Variants in LAMC3 observed in about 807,000 individuals in gnomAD.
LAMC3 encodes laminin subunit gamma-3.
In LAMC3, 128 loss-of-function variants were observed where a neutral mutation model predicts 173.8. That is an observed-to-expected ratio of 0.74 (90% CI 0.64 to 0.85). The LOEUF is 0.85. LAMC3 is among the 40% of genes least tolerant of loss of function. The pLI is 0.00. For synonymous variants in LAMC3, 897 were observed against 909.1 expected (o/e 0.99, Z 0.24); for missense variants, 2,022 against 2,156.0 (o/e 0.94, Z 1.23).
At chr9:131,071,182 G>A (rs78302149) in intron 17 of LAMC3, among the ~76,000 whole-genome samples, 60 of 152,310 alleles carry the variant, frequency 3.9e-4, no homozygotes, top group African/African-American at 1.3e-3. Flanking sequence ...CAGCGAACAG[G>A]ACAGGCAGAA....
rs1461123770 is a variant in LAMC3 at position 131,009,268 on chromosome 9, C to T, written c.54C>T (p.Ala18=). Residue 18 remains alanine, a synonymous_variant, in exon 1 of 28, where the codon GCC becomes GCT. Transcript: ENST00000361069. The surrounding 1 kb of genome is among the most constrained non-coding windows in gnomAD (Gnocchi z 4.3). ...LGLALLAPRA[A]GAGMGACYDG... ...TGGCGCTGCTGGCACCGCGGGCGGC[C>T]GGCGCGGGCATGGGCGCGTGCTATG... 28 of 1,307,864 alleles carry T rather than the reference C, an allele frequency of 2.1e-5. No individual in the cohort carries two copies. Among genetic ancestry groups the T allele is most frequent in the Non-Finnish European group, 2.6e-5 (27 of 1,033,872 alleles). 81.0% of individuals were successfully genotyped at this position (1,307,864 alleles called of 1,614,324 possible). A position where few individuals can be genotyped will look rare whatever the true frequency, so the allele number is the denominator to read the frequency against.
chr9:131,092,016 C>T lies in LAMC3; in HGVS notation c.*229C>T, dbSNP rs1436652393. ...CCTGGACATGAGTGCACACTCTCAC[C>T]CCTGCACATGCATAAACGGGCACAC... On this transcript the variant is annotated 3_prime_UTR_variant, in exon 28 of 28. Coordinates refer to ENST00000361069, the MANE Select transcript of LAMC3 (RefSeq NM_006059.4). 3 of 595,948 alleles carry T rather than the reference C, an allele frequency of 5.0e-6. No individual in the cohort carries two copies. Among genetic ancestry groups the T allele is most frequent in the Admixed American group, 2.9e-5 (1 of 34,292 alleles). 36.9% of individuals were successfully genotyped at this position (595,948 alleles called of 1,614,324 possible).
chr9:131,052,913 C>T lies in LAMC3; in HGVS notation c.1887C>T (p.Leu629=), dbSNP rs751556936. 51 of 1,613,786 alleles carry T rather than the reference C, an allele frequency of 3.2e-5. No individual in the cohort carries two copies. The highest frequency in any genetic ancestry group is 2.0e-4 in the Admixed American group (12 of 60,012). The change falls in exon 11 of 28, where the codon CTC becomes CTT. Residue 629 remains leucine, a synonymous_variant. Transcript: ENST00000361069. The part of the protein sequence containing the change: ...PLPPFHFQRL[L]ANLTSLRLRV... ...CCCCCTTCCACTTCCAGCGGCTCCTCGCCAACCTGACCAGCCTCCGCCTCC... is the reference window on the plus strand; with the variant it reads ...CCCCCTTCCACTTCCAGCGGCTCCTTGCCAACCTGACCAGCCTCCGCCTCC...
chr9:131,062,134 G>A (rs1048772288), intron 13 of LAMC3, among the ~76,000 whole-genome samples: 12 of 152,082 alleles, frequency 7.9e-5, no homozygotes, highest in South Asian at 2.1e-4. Flanking sequence ...AGGCTGAAGC[G>A]GGTGGATCAC....
rs568643150 is a variant in LAMC3, at chr9:131,045,234, A to AAAAC, written c.1383-288_1383-287insACAA. Reference sequence around the variant, plus strand: ...AAGACTCTGTCTCAAAAAAAAAAAAAAACAACAACAACAAAAAAACAAAAC... The same window carrying AAAAC: ...AAGACTCTGTCTCAAAAAAAAAAAAAAAACAACAACAACAACAAAAAAACAAAAC... On this transcript the variant is annotated intron_variant, in intron 7 of 27. Transcript: ENST00000361069. Among the ~76,000 whole-genome samples the AAAAC allele has an allele frequency of 4.0e-4, 36 of 90,436 alleles. 2 individuals are homozygous for AAAAC. In the South Asian group the frequency reaches 0.012, roughly 31 times the overall value. 59.3% of individuals were successfully genotyped at this position (90,436 alleles called of 152,430 possible).
In LAMC3 at chr9:131,026,294, A is replaced by T. The variant is rs1432997412; in HGVS notation, c.383A>T (p.Tyr128Phe). The change falls in exon 2 of 28, where the codon TAT becomes TTT. Residue 128 changes from tyrosine to phenylalanine, a missense_variant. Coordinates refer to ENST00000361069, the MANE Select transcript of LAMC3 (RefSeq NM_006059.4). This position sits in a 1 kb window ranked among gnomAD's most constrained non-coding sequence, Gnocchi z 4.8. ...VNITLRLGKA[Y>F]EITYVRLKFH... is the part of the protein sequence containing the mutation. ...GTTTTCCTGGCTGCAGGGAAGGCTT[A>T]TGAGATCACGTATGTGAGGCTGAAG... 9 of 1,614,038 alleles carry T rather than the reference A, an allele frequency of 5.6e-6. No homozygotes were observed. The East Asian group carries it at 2.0e-4, about 36-fold the overall frequency.
chr9:131,034,395 C>G (rs1200764077), intron 3 of LAMC3, among the ~76,000 whole-genome samples: 3 of 152,356 alleles, frequency 2.0e-5, no homozygotes, highest in Admixed American at 1.3e-4. Context: ...AGCCGTGCTA[C>G]GTGCCCTACC....
At chr9:131,082,248 G>A in intron 24 of LAMC3, 87 bp downstream of exon 24, 1 of 959,358 alleles carries the variant, frequency 1.0e-6, no homozygotes, top group African/African-American at 1.6e-5. Context: ...GGGCAGGCTT[G>A]CAGAGGACAG....
At chr9:131,073,461 C>A in intron 20 of LAMC3, 140 bp downstream of exon 20, 1 of 721,052 alleles carries the variant, frequency 1.4e-6, no homozygotes, top group Non-Finnish European at 2.5e-6. Flanking sequence ...GTGTCACCAG[C>A]ATGGGGAGGG....
chr9:131,082,393 A>G lies in LAMC3; in HGVS notation c.4030+232A>G, dbSNP rs558690662. On this transcript the variant is annotated intron_variant, in intron 24 of 27. Coordinates refer to ENST00000361069, the MANE Select transcript of LAMC3 (RefSeq NM_006059.4). ...CATACACCCCAGGTCATCAGACCAC[A>G]TGCAGAGCCCCTCCAGACCAAGTGA... Among the ~76,000 whole-genome samples the G allele has an allele frequency of 1.1e-4, 17 of 152,288 alleles. No homozygotes were observed. In the South Asian group the frequency reaches 2.9e-3, roughly 26 times the overall value.
At chr9:131,023,364 C>T (rs765514474) in intron 1 of LAMC3, among the ~76,000 whole-genome samples, 2 of 152,170 alleles carry the variant, frequency 1.3e-5, no homozygotes, top group East Asian at 3.9e-4. Context: ...CGCTGTTTTC[C>T]AAAGTGGCCG....
chr9:131,076,685 T>G (rs554512724), intron 21 of LAMC3, among the ~76,000 whole-genome samples: 1 of 152,050 alleles, frequency 6.6e-6, no homozygotes, highest in Non-Finnish European at 1.5e-5. Flanking sequence ...AGAAAACCCA[T>G]CCTAGCTGAT....
intron 19 of LAMC3, 37 bp from the exon 20 acceptor site, chr9:131,073,208 G>A (rs1830066319): frequency 6.6e-7 from 1 of 1,509,260 alleles, no homozygotes; most frequent in Non-Finnish European, 9.2e-7. Context: ...TTTGGCGATG[G>A]GCCATCAGTT....
At chr9:131,038,777 T>C (rs1833988532) in intron 4 of LAMC3, 87 bp from the exon 5 acceptor site, 3 of 1,374,600 alleles carry the variant, frequency 2.2e-6, no homozygotes, top group Non-Finnish European at 3.1e-6. Flanking sequence ...TGCCTGCTCA[T>C]TTAGCACAGG....
chr9:131,070,568 G>A (rs10901343), intron 17 of LAMC3, among the ~76,000 whole-genome samples: 61,994 of 151,906 alleles, frequency 0.41, 12,856 homozygotes, highest in Non-Finnish European at 0.44. Context: ...AAAATTCGCC[G>A]GGTGGGGTGG....
At chr9:131,021,338 C>T (rs1350835371) in intron 1 of LAMC3, 2 of 152,162 alleles carry the variant, frequency 1.3e-5, no homozygotes, top group African/African-American at 4.8e-5. Flanking sequence ...CCACCAGTTT[C>T]CCATAGCGTA....
chr9:131,055,088 A>G (rs1456284006), intron 11 of LAMC3, among the ~76,000 whole-genome samples: 2 of 152,130 alleles, frequency 1.3e-5, no homozygotes, highest in Non-Finnish European at 2.9e-5. Flanking sequence ...CACAGGGAAT[A>G]GGGACCAGCC....
chr9:131,071,225 T>C (rs926324757), intron 17 of LAMC3, among the ~76,000 whole-genome samples: 1 of 151,964 alleles, frequency 6.6e-6, no homozygotes, highest in Admixed American at 6.6e-5. Context: ...CATCCCTTCC[T>C]CCCCACCTTC....
At chr9:131,071,260 G>C (rs1202670032) in intron 17 of LAMC3, among the ~76,000 whole-genome samples, 2 of 152,172 alleles carry the variant, frequency 1.3e-5, no homozygotes, top group Non-Finnish European at 2.9e-5. Flanking sequence ...AGTGTGGTCA[G>C]CGGTGTCGGC....
Sources: gnomAD v4.1 joint callset for allele counts (sites outside exome capture counted in the v4.1 genomes callset) on GRCh38, gnomAD v4.1.1 for gene constraint, Gnocchi (gnomAD v3.1) non-coding constraint, MANE v1.5 for transcripts, NCBI Gene and HGNC (gene_info 2026-07-23, HGNC 2026-07-21) for gene names.